The following SEC14L5 variants were observed in gnomAD, a reference collection of about 807,000 sequenced individuals.
The protein encoded by SEC14L5 is SEC14-like protein 5.
SEC14L5 carries 96 observed loss-of-function variants against 84.6 expected under a neutral mutation model. The observed-to-expected ratio is 1.13, with a 90% CI of 0.96 to 1.34. The LOEUF (loss-of-function observed/expected upper bound fraction) is 1.34. SEC14L5 is among the 40% of genes most tolerant of loss of function. SEC14L5 has a pLI of 0.00. For synonymous variants in SEC14L5, 546 were observed against 383.4 expected (o/e 1.42, Z -4.95); for missense variants, 1,224 against 942.5 (o/e 1.30, Z -3.91).
At chr16:4,963,827 A>G (rs1955160093) in intron 2 of SEC14L5, among the ~76,000 whole-genome samples, 1 of 152,088 alleles carries the variant, frequency 6.6e-6, no homozygotes, top group African/African-American at 2.4e-5. Context: ...ATACCCGGCT[A>G]GTTTTTAAAT....
At position 5,003,574 on chromosome 16, in the gene SEC14L5, G is replaced by A. The variant is rs747864316; in HGVS notation, c.1302+1G>A. On this transcript the variant is annotated splice_donor_variant, in intron 11 of 15. Coordinates refer to ENST00000251170, the MANE Select transcript of SEC14L5 (RefSeq NM_014692.2). LOFTEE classifies it high-confidence loss of function. ...AGTCTTCCCCGTGCTCTGGACACTG[G>A]TAAGAGCTGGAGCCTGGGCCAGGAC... 2 of 1,291,230 alleles carry A rather than the reference G, an allele frequency of 1.5e-6. No individual in the cohort carries two copies. Among genetic ancestry groups the A allele is most frequent in the Admixed American group, 2.1e-5 (1 of 48,100 alleles). The allele number at this position is 1,291,230 out of a possible 1,614,324, so 80.0% of individuals were successfully genotyped here.
At chr16:4,958,899 C>T (rs1955085646) in intron 1 of SEC14L5, among the ~76,000 whole-genome samples, 1 of 151,782 alleles carries the variant, frequency 6.6e-6, no homozygotes, top group South Asian at 2.1e-4. Flanking sequence ...GGGCTGTAGG[C>T]CAGCAAGTCT....
Position 4,999,073 on chromosome 16 carries a change from C to T in SEC14L5, c.971-1582C>T, listed in dbSNP as rs74525409. 0.018 allele frequency among the ~76,000 whole-genome samples: 2,737 copies of T among 152,214 alleles called. 189 individuals carry two copies. The East Asian group carries it at 0.23, about 13-fold the overall frequency. On this transcript the variant is annotated intron_variant, in intron 8 of 15. Coordinates refer to ENST00000251170, the MANE Select transcript of SEC14L5 (RefSeq NM_014692.2). ...CCCTAAACGAGTGTCCTTTTTGTGG[C>T]CTATTTAATGCCACATTGTTGCATT...
At chr16:5,003,751 T>C (rs1161604791) in intron 11 of SEC14L5, among the ~76,000 whole-genome samples, 178 bp downstream of exon 11, 2 of 152,212 alleles carry the variant, frequency 1.3e-5, no homozygotes, top group Non-Finnish European at 2.9e-5. Flanking sequence ...TGGTCTTTCC[T>C]GTATTCACTG....
chr16:4,979,285 G>C (rs1955390026), intron 2 of SEC14L5, among the ~76,000 whole-genome samples: 2 of 152,208 alleles, frequency 1.3e-5, no homozygotes, highest in South Asian at 4.1e-4. Flanking sequence ...TTTGGTTCTA[G>C]AAGCAACACA....
rs115407977 is a variant in SEC14L5, at chr16:4,971,829, T to G, written c.63+12443T>G. On this transcript the variant is annotated intron_variant, in intron 2 of 15. Coordinates refer to ENST00000251170, the MANE Select transcript of SEC14L5 (RefSeq NM_014692.2). Reference sequence around the variant, plus strand: ...TTCACTCATTCCTTCCTCCTTTCATTCCTTTGAGAAATATTGGCTGAACGT... The same window carrying G: ...TTCACTCATTCCTTCCTCCTTTCATGCCTTTGAGAAATATTGGCTGAACGT... Among the ~76,000 whole-genome samples the G allele has an allele frequency of 2.2e-3, 329 of 152,236 alleles. 3 individuals are homozygous for G. The highest frequency in any genetic ancestry group is 7.7e-3 in the African/African-American group (318 of 41,540).
rs1955883012 is a variant in SEC14L5, at chr16:5,017,089, C to T, written c.*2119C>T. 1 of 151,088 alleles carries T rather than the reference C, an allele frequency of 6.6e-6. No homozygotes were observed. Among genetic ancestry groups the T allele is most frequent in the African/African-American group, 2.4e-5 (1 of 41,070 alleles). 9.4% of individuals were successfully genotyped at this position (151,088 alleles called of 1,614,324 possible). On this transcript the variant is annotated 3_prime_UTR_variant, in exon 16 of 16. Transcript: ENST00000251170. ...CTACAAGTATGCTGGGATAAGCTGCCCTGGCAGTCTTTATACATTTATTGT... is the reference window on the plus strand; with the variant it reads ...CTACAAGTATGCTGGGATAAGCTGCTCTGGCAGTCTTTATACATTTATTGT...
At chr16:5,011,310 G>C (rs541834255) in intron 15 of SEC14L5, 37 bp downstream of exon 15, 2 of 1,597,600 alleles carry the variant, frequency 1.3e-6, no homozygotes, top group South Asian at 2.2e-5. Context: ...GGGCAGGAAG[G>C]ACCCTGGGGC....
chr16:5,008,761 CAG>C, intron 14 of SEC14L5, 113 bp downstream of exon 14: 1 of 920,892 alleles, frequency 1.1e-6, no homozygotes. Context: ...TCCCCAGCCT[CAG>C]GGACCCTGCA....
intron 10 of SEC14L5, among the ~76,000 whole-genome samples, 175 bp downstream of exon 10, chr16:5,001,100 A>T (rs1026321927): frequency 6.6e-6 from 1 of 152,110 alleles, no homozygotes; most frequent in African/African-American, 2.4e-5. Context: ...CCCGTTTTCT[A>T]TGCATGGGGA....
chr16:4,971,060 G>T (rs1255577241), intron 2 of SEC14L5, among the ~76,000 whole-genome samples: 1 of 146,868 alleles, frequency 6.8e-6, no homozygotes, highest in Non-Finnish European at 1.5e-5. Context: ...AGCCGAGATT[G>T]CACCACTGCA....
intron 2 of SEC14L5, among the ~76,000 whole-genome samples, chr16:4,966,267 C>CTTTTTTTT (rs1019686741): frequency 2.5e-5 from 2 of 78,768 alleles, no homozygotes; most frequent in East Asian, 4.0e-4. Context: ...CGCCCGGCCT[C>CTTTTTTTT]TTTTTTTTTT....
At chr16:4,980,804 G>A (rs1955414100) in intron 2 of SEC14L5, among the ~76,000 whole-genome samples, 1 of 152,274 alleles carries the variant, frequency 6.6e-6, no homozygotes, top group South Asian at 2.1e-4. Context: ...GCATGGATGA[G>A]GCCCTGAAGC....
At chr16:4,996,304 G>A (rs769759364) in intron 6 of SEC14L5, 44 bp from the exon 7 acceptor site, 5 of 1,146,450 alleles carry the variant, frequency 4.4e-6, no homozygotes, top group East Asian at 2.6e-5. Flanking sequence ...GTAAAGAGAC[G>A]CAGCGTCTCC....
intron 15 of SEC14L5, among the ~76,000 whole-genome samples, chr16:5,012,668 G>A (rs1955819183): frequency 6.6e-6 from 1 of 152,258 alleles, no homozygotes; most frequent in African/African-American, 2.4e-5. Context: ...ACTTTGGGAA[G>A]CCGAGGTGGG....
chr16:5,008,681 C>G, intron 14 of SEC14L5, 33 bp downstream of exon 14: 1 of 1,564,400 alleles, frequency 6.4e-7, no homozygotes, highest in East Asian at 2.2e-5. Context: ...ATTCGCTCAC[C>G]AAGCAGCACT....
At chr16:5,007,328 C>T in intron 12 of SEC14L5, 24 bp from the exon 13 acceptor site, 2 of 1,611,200 alleles carry the variant, frequency 1.2e-6, no homozygotes, top group Non-Finnish European at 1.7e-6. Context: ...CCCTGACCTG[C>T]TGCCCTTTAT....
chr16:4,995,099 G>A (rs55724426), intron 6 of SEC14L5, among the ~76,000 whole-genome samples: 1,673 of 152,266 alleles, frequency 0.011, 13 homozygotes, highest in Middle Eastern at 0.054. Context: ...AGCAGTTGGC[G>A]TGACCCCCCA....
intron 4 of SEC14L5, 45 bp downstream of exon 4, chr16:4,988,325 C>CA (rs1555529613): frequency 6.3e-6 from 10 of 1,599,228 alleles, no homozygotes; most frequent in Non-Finnish European, 8.5e-6. Flanking sequence ...CACCCACCTG[C>CA]GCCCGGCACC....
Sources: allele counts gnomAD v4.1 joint callset (sites outside exome capture counted in the v4.1 genomes callset), GRCh38; gene constraint gnomAD v4.1.1; transcripts MANE v1.5; gene names NCBI Gene and HGNC (gene_info 2026-07-23, HGNC 2026-07-21).